LUC7L2: variants seen among roughly 807,000 people sequenced by gnomAD.
The protein encoded by LUC7L2 is LUC7 like 2, pre-mRNA splicing factor, also known as putative RNA-binding protein Luc7-like 2.
A neutral mutation model predicts 52.8 loss-of-function variants in LUC7L2; 25 were observed. That is an observed-to-expected ratio of 0.47 (90% confidence interval 0.34 to 0.66). The LOEUF (loss-of-function observed/expected upper bound fraction) is 0.66. LUC7L2 is among the 30% of genes least tolerant of loss of function. The pLI is 0.01. For missense variants in LUC7L2, 328 were observed against 497.8 expected (o/e 0.66, Z 3.25); for synonymous variants, 144 against 160.9 (o/e 0.89, Z 0.80).
At chr7:139,375,039 T>C (rs1051432377) in intron 1 of LUC7L2, 3 of 983,464 alleles carry the variant, frequency 3.1e-6, no homozygotes, top group South Asian at 4.7e-5. Context: ...ATCGATAATA[T>C]ATCAGTTTAA....
chr7:139,412,658 G>T, intron 8 of LUC7L2, 78 bp downstream of exon 8: 8 of 1,510,228 alleles, frequency 5.3e-6, no homozygotes, highest in Admixed American at 4.7e-5. Context: ...TGATTAAATG[G>T]TCCTTTAAAA....
chr7:139,367,667 A>C (rs1297040515), intron 1 of LUC7L2, among the ~76,000 whole-genome samples: 1 of 152,234 alleles, frequency 6.6e-6, no homozygotes, highest in Non-Finnish European at 1.5e-5. Context: ...AAGCTGTTTG[A>C]ACTATATATA....
intron 1 of LUC7L2, among the ~76,000 whole-genome samples, chr7:139,373,669 T>C (rs1341210118): frequency 6.7e-6 from 1 of 150,180 alleles, no homozygotes; most frequent in Non-Finnish European, 1.5e-5. Flanking sequence ...TTTGTTCATA[T>C]TTTAACTGAT....
intron 1 of LUC7L2, chr7:139,344,990 G>A (rs1395683559): frequency 6.6e-6 from 1 of 152,180 alleles, no homozygotes; most frequent in African/African-American, 2.4e-5. Context: ...TGGGATTACA[G>A]GTGTGAGCCA....
At chr7:139,373,559 A>G (rs1569372502) in intron 1 of LUC7L2, among the ~76,000 whole-genome samples, 1 of 151,694 alleles carries the variant, frequency 6.6e-6, no homozygotes. Flanking sequence ...AAAGCTCACC[A>G]GGGAAAATAT....
intron 3 of LUC7L2, among the ~76,000 whole-genome samples, chr7:139,400,537 C>A (rs1456276365): frequency 1.3e-5 from 2 of 152,036 alleles, no homozygotes; most frequent in African/African-American, 4.8e-5. Flanking sequence ...AAATCTATTT[C>A]ATTAGTTCTA....
intron 2 of LUC7L2, among the ~76,000 whole-genome samples, chr7:139,397,788 G>C (rs1794725770): frequency 6.6e-6 from 1 of 152,138 alleles, no homozygotes; most frequent in Non-Finnish European, 1.5e-5. Context: ...AAAGCCTCTG[G>C]TTTGGTAAAT....
In LUC7L2 at chr7:139,402,263, A is replaced by G. The variant is rs1413046367; in HGVS notation, c.366+16A>G. 3 of 1,577,192 alleles carry G rather than the reference A, an allele frequency of 1.9e-6. No homozygotes were observed. The highest frequency in any genetic ancestry group is 1.4e-5 in the African/African-American group (1 of 72,574). Reference sequence around the variant, plus strand: ...AGCAGCAAAGGTAAGAATTTTAATCATTTCATTAGTACAAAGTATTATTTC... The same window carrying G: ...AGCAGCAAAGGTAAGAATTTTAATCGTTTCATTAGTACAAAGTATTATTTC... On this transcript the variant is annotated intron_variant, in intron 4 of 9. Coordinates refer to ENST00000354926, the MANE Select transcript of LUC7L2 (RefSeq NM_016019.5).
intron 1 of LUC7L2, chr7:139,375,274 G>T: frequency 2.0e-6 from 2 of 985,158 alleles, no homozygotes; most frequent in Non-Finnish European, 2.4e-6. Context: ...TGCTTCTGTT[G>T]CTTAGGAGGT....
Position 139,405,626 on chromosome 7 carries a change from T to G in LUC7L2, c.367-18T>G. 6.4e-7 allele frequency: 1 copy of G among 1,574,240 alleles called. No homozygotes were observed. The highest frequency in any genetic ancestry group is 8.6e-7 in the Non-Finnish European group (1 of 1,167,432). Reference sequence around the variant, plus strand: ...ATTCTCTTGTTTATTCATGATCTTCTTTTTTATTTCTTTTTAGGCAGAACG... The same window carrying G: ...ATTCTCTTGTTTATTCATGATCTTCGTTTTTATTTCTTTTTAGGCAGAACG... On this transcript the variant is annotated intron_variant, in intron 4 of 9. Coordinates refer to ENST00000354926, the MANE Select transcript of LUC7L2 (RefSeq NM_016019.5).
chr7:139,381,140 T>C (rs1238116080), intron 2 of LUC7L2, among the ~76,000 whole-genome samples: 1 of 152,074 alleles, frequency 6.6e-6, no homozygotes, highest in Middle Eastern at 3.2e-3. Flanking sequence ...AATTGTGCTG[T>C]TAAATGTCTC....
At chr7:139,392,295 C>T (rs1373463374) in intron 2 of LUC7L2, 4 of 221,672 alleles carry the variant, frequency 1.8e-5, no homozygotes, top group African/African-American at 9.4e-5. Flanking sequence ...ACCTGGTCTT[C>T]TGGGAGGGAT....
intron 1 of LUC7L2, chr7:139,346,356 G>A (rs1453155654): frequency 6.6e-6 from 1 of 151,910 alleles, no homozygotes. Context: ...CCATTACCAG[G>A]TGGTCACTAT....
intron 2 of LUC7L2, among the ~76,000 whole-genome samples, chr7:139,382,745 T>C (rs1485409943): frequency 6.6e-6 from 1 of 152,156 alleles, no homozygotes; most frequent in Non-Finnish European, 1.5e-5. Flanking sequence ...TTAGATGGGA[T>C]TATTGGTTGT....
intron 9 of LUC7L2, among the ~76,000 whole-genome samples, chr7:139,421,632 C>G (rs1795908845): frequency 6.6e-6 from 1 of 152,152 alleles, no homozygotes; most frequent in Non-Finnish European, 1.5e-5. Flanking sequence ...GTTCTCTTAT[C>G]TAAGTCAGGT....
At chr7:139,400,384 C>G (rs1291088489) in intron 3 of LUC7L2, among the ~76,000 whole-genome samples, 2 of 152,248 alleles carry the variant, frequency 1.3e-5, no homozygotes, top group East Asian at 3.9e-4. Context: ...TGGTGGGTGC[C>G]TGTAATCCCA....
chr7:139,340,709 G>C, intron 1 of LUC7L2: 1 of 390,380 alleles, frequency 2.6e-6, no homozygotes, highest in Non-Finnish European at 4.5e-6. Flanking sequence ...AGCCCCAGTG[G>C]CCTAATGGAT....
intron 1 of LUC7L2, chr7:139,341,393 C>T (rs530614678): frequency 9.9e-6 from 16 of 1,612,968 alleles, no homozygotes; most frequent in Non-Finnish European, 1.4e-5. Flanking sequence ...CAATGGCGGC[C>T]TTAGGGTCCC....
chr7:139,397,671 T>C (rs1794722488), intron 2 of LUC7L2, among the ~76,000 whole-genome samples: 1 of 152,206 alleles, frequency 6.6e-6, no homozygotes, highest in Non-Finnish European at 1.5e-5. Context: ...ATCTTGCCAA[T>C]TTTTTCTCAT....
Sources: allele counts gnomAD v4.1 joint callset (sites outside exome capture counted in the v4.1 genomes callset), GRCh38; gene constraint gnomAD v4.1.1; transcripts MANE v1.5; gene names NCBI Gene and HGNC (gene_info 2026-07-23, HGNC 2026-07-21).